CDH8: variants seen among roughly 807,000 people sequenced by gnomAD.
The protein encoded by CDH8 is cadherin 8, also known as cadherin-8.
CDH8 carries 17 observed loss-of-function variants against 68.1 expected under a neutral mutation model. The observed-to-expected ratio is 0.25, with a 90% confidence interval of 0.17 to 0.37. The LOEUF is 0.37. CDH8 is among the 10% of genes least tolerant of loss of function. The pLI is 1.00. For synonymous variants in CDH8, 372 were observed against 365.1 expected (o/e 1.02, Z -0.21); for missense variants, 763 against 999.3 (o/e 0.76, Z 3.19).
chr16:61,765,694 C>T (rs991045569), intron 8 of CDH8, among the ~76,000 whole-genome samples: 4 of 151,944 alleles, frequency 2.6e-5, no homozygotes, highest in Admixed American at 6.6e-5. Flanking sequence ...ATTTCATCTA[C>T]CTCAACACAG....
chr16:61,791,130 A>G (rs964851512), intron 7 of CDH8, among the ~76,000 whole-genome samples: 7 of 151,986 alleles, frequency 4.6e-5, no homozygotes, highest in African/African-American at 1.7e-4. Context: ...TTTAGTAATG[A>G]CTTCACTACA....
At chr16:61,700,819 TA>T (rs1332246761) in intron 10 of CDH8, among the ~76,000 whole-genome samples, 2 of 152,196 alleles carry the variant, frequency 1.3e-5, no homozygotes, top group African/African-American at 2.4e-5. Context: ...TGTAGAGTTC[TA>T]TTGCACCATA....
At position 61,739,242 on chromosome 16, in the gene CDH8, C is replaced by A. The variant is rs180710379; in HGVS notation, c.1415-12027G>T. On this transcript the variant is annotated intron_variant, in intron 8 of 11. Coordinates refer to ENST00000577390, the MANE Select transcript of CDH8 (RefSeq NM_001796.5). ...CTATTTAATCTCTTATATTTTAGAACCTTAGGGATACTCAGTTTCAGAGGA... is the reference window on the plus strand; with the variant it reads ...CTATTTAATCTCTTATATTTTAGAAACTTAGGGATACTCAGTTTCAGAGGA... Among the ~76,000 whole-genome samples the A allele has an allele frequency of 3.6e-3, 549 of 152,090 alleles. 4 individuals carry two copies. The highest frequency in any genetic ancestry group is 6.1e-3 in the Non-Finnish European group (417 of 67,984).
At chr16:61,676,386 A>C (rs1054846850) in intron 10 of CDH8, among the ~76,000 whole-genome samples, 3 of 151,986 alleles carry the variant, frequency 2.0e-5, no homozygotes, top group Non-Finnish European at 4.4e-5. Flanking sequence ...ATAATAATGA[A>C]AAGGTCAATT....
chr16:61,842,511 G>C (rs1267866778), intron 4 of CDH8, among the ~76,000 whole-genome samples: 2 of 152,028 alleles, frequency 1.3e-5, no homozygotes, highest in East Asian at 3.9e-4. Context: ...CCAGAACTGT[G>C]AACAAATAAA....
chr16:61,945,603 G>A (rs1363645802), intron 2 of CDH8, among the ~76,000 whole-genome samples: 2 of 152,178 alleles, frequency 1.3e-5, no homozygotes, highest in African/African-American at 4.8e-5. Context: ...AACTTGACAA[G>A]GAAGAACAGA....
intron 8 of CDH8, among the ~76,000 whole-genome samples, chr16:61,769,157 C>G (rs1960712506): frequency 6.6e-6 from 1 of 151,736 alleles, no homozygotes; most frequent in African/African-American, 2.4e-5. Flanking sequence ...CAAAGGCAAA[C>G]AGTGTTGTCA....
intron 2 of CDH8, among the ~76,000 whole-genome samples, chr16:61,988,198 G>A (rs1965659251): frequency 6.6e-6 from 1 of 151,174 alleles, no homozygotes; most frequent in Non-Finnish European, 1.5e-5. Context: ...TCAAACATAA[G>A]AAGTTATATT....
chr16:62,006,323 G>A (rs1048206897), intron 2 of CDH8, among the ~76,000 whole-genome samples: 3 of 152,158 alleles, frequency 2.0e-5, no homozygotes, highest in Admixed American at 1.3e-4. Context: ...GAAGAACCAA[G>A]TAAACTGAGG....
intron 2 of CDH8, among the ~76,000 whole-genome samples, chr16:61,909,801 A>G (rs1446855251): frequency 2.0e-5 from 3 of 152,208 alleles, no homozygotes; most frequent in Non-Finnish European, 2.9e-5. Flanking sequence ...GAATAAACCT[A>G]GAAATAGAAA....
chr16:61,835,285 G>A (rs1962544811), intron 4 of CDH8, among the ~76,000 whole-genome samples: 1 of 151,796 alleles, frequency 6.6e-6, no homozygotes, highest in Non-Finnish European at 1.5e-5. Context: ...TGAGTTTCCT[G>A]TTTTATAATG....
intron 2 of CDH8, among the ~76,000 whole-genome samples, chr16:61,952,559 TA>T (rs1390367384): frequency 1.3e-5 from 2 of 152,024 alleles, no homozygotes; most frequent in Non-Finnish European, 2.9e-5. Context: ...GAATTCAAAA[TA>T]GAGGAAATAC....
At chr16:61,935,905 T>G (rs1439334554) in intron 2 of CDH8, among the ~76,000 whole-genome samples, 2 of 152,204 alleles carry the variant, frequency 1.3e-5, no homozygotes, top group Non-Finnish European at 2.9e-5. Flanking sequence ...ATAGTCATAA[T>G]GCTGGGAGCT....
intron 10 of CDH8, 65 bp downstream of exon 10, chr16:61,713,776 T>C: frequency 1.2e-6 from 1 of 846,704 alleles, no homozygotes; most frequent in South Asian, 1.5e-5. Context: ...TTCAGTTATG[T>C]TATGAAATTG....
intron 4 of CDH8, among the ~76,000 whole-genome samples, chr16:61,832,646 A>T (rs1350902907): frequency 1.3e-5 from 2 of 151,730 alleles, no homozygotes; most frequent in Non-Finnish European, 2.9e-5. Flanking sequence ...TTTTAGTTTT[A>T]GATGTTCACT....
chr16:61,913,632 C>G (rs544721068), intron 2 of CDH8, among the ~76,000 whole-genome samples: 4 of 152,098 alleles, frequency 2.6e-5, no homozygotes, highest in Non-Finnish European at 5.9e-5. Flanking sequence ...TGCATGTGTA[C>G]GTTTCTCCCT....
intron 6 of CDH8, 145 bp downstream of exon 6, chr16:61,820,781 T>C: frequency 1.6e-6 from 1 of 608,966 alleles, no homozygotes; most frequent in South Asian, 2.3e-5. Context: ...CCAAAAGGAC[T>C]GTACTAGTTA....
intron 2 of CDH8, among the ~76,000 whole-genome samples, chr16:61,945,432 A>G (rs1241408062): frequency 2.3e-5 from 3 of 128,510 alleles, no homozygotes; most frequent in African/African-American, 1.0e-4. Flanking sequence ...GCCTAGATGC[A>G]TGATTAAAAA....
At chr16:61,827,582 C>T (rs1342754158) in intron 4 of CDH8, among the ~76,000 whole-genome samples, 1 of 151,826 alleles carries the variant, frequency 6.6e-6, no homozygotes, top group Non-Finnish European at 1.5e-5. Flanking sequence ...TTTTTTTACT[C>T]ACTTGGAAAT....
Sources: gnomAD v4.1 joint callset for allele counts (sites outside exome capture counted in the v4.1 genomes callset) on GRCh38, gnomAD v4.1.1 for gene constraint, MANE v1.5 for transcripts, NCBI Gene and HGNC (gene_info 2026-07-23, HGNC 2026-07-21) for gene names.